The following DLGAP1 variants were observed in gnomAD, a reference collection of about 807,000 sequenced individuals.
The protein encoded by DLGAP1 is DLG associated protein 1, also known as disks large-associated protein 1.
Under a neutral mutation model 90.8 loss-of-function variants are expected in DLGAP1, and 11 were observed. That is an observed-to-expected ratio of 0.12 (90% confidence interval 0.08 to 0.20). The LOEUF is 0.20. DLGAP1 is among the 10% of genes least tolerant of loss of function. The probability of loss-of-function intolerance (pLI) is 1.00; values close to 1 mark genes in which losing one functional copy is unlikely to be tolerated. For missense variants in DLGAP1, 1,050 were observed against 1,333.8 expected, an observed-to-expected ratio of 0.79 and a Z score of 3.31; for synonymous variants, 558 against 540.7, an observed-to-expected ratio of 1.03 and a Z score of -0.44.
intron 7 of DLGAP1, among the ~76,000 whole-genome samples, chr18:3,688,294 CTTGATTCATATGAAAG>C (rs1472237700): frequency 6.6e-6 from 1 of 152,012 alleles, no homozygotes; most frequent in Non-Finnish European, 1.5e-5. Context: ...ATGTGAATTT[CTTGATTCATATGAAAG>C]AATCTGTATG....
chr18:3,715,500 A>G (rs1283110161), intron 7 of DLGAP1, among the ~76,000 whole-genome samples: 4 of 152,160 alleles, frequency 2.6e-5, no homozygotes, highest in Admixed American at 2.6e-4. Context: ...ATCCTCTTTT[A>G]GCGTAGGTTT....
intron 7 of DLGAP1, chr18:3,594,188 T>C (rs1008167399): frequency 6.6e-6 from 1 of 152,358 alleles, no homozygotes; most frequent in African/African-American, 2.4e-5. Flanking sequence ...AGGACTGTGC[T>C]GTGCCTCTCT....
At position 3,879,284 on chromosome 18, in the gene DLGAP1, C is replaced by A; in HGVS notation, c.785G>T (p.Cys262Phe). 6.3e-7 allele frequency: 1 copy of A among 1,596,276 alleles called. No individual in the cohort carries two copies. ...GTCCAGGCTGACCGGCAGGTTGGCG[C>A]AGGTGGAGCACTTGACGTCGTTGTT... ...RSNNDVKCST[C>F]ANLPVSLDTP... is the part of the protein sequence containing the mutation. Residue 262 changes from cysteine to phenylalanine, a missense_variant, in exon 4 of 13, where the codon TGC (cysteine) becomes TTC (phenylalanine). This residue lies in a region of DLGAP1 where 485 missense variants were observed against 454.1 expected (regional missense o/e 1.07). Transcript: ENST00000315677. The surrounding 1 kb of genome is among the most constrained non-coding windows in gnomAD (Gnocchi z 6.6).
intron 1 of DLGAP1, among the ~76,000 whole-genome samples, chr18:4,301,341 A>G (rs1217192675): frequency 6.6e-6 from 1 of 152,110 alleles, no homozygotes; most frequent in African/African-American, 2.4e-5. Context: ...CTACTTCTGT[A>G]AGTTAGATTG....
intron 7 of DLGAP1, among the ~76,000 whole-genome samples, chr18:3,605,705 A>G (rs2057295304): frequency 6.6e-6 from 1 of 152,204 alleles, no homozygotes; most frequent in African/African-American, 2.4e-5. Flanking sequence ...GTAAACAGGA[A>G]GGGCAGAACT....
chr18:3,831,823 T>C (rs998966917), intron 4 of DLGAP1, among the ~76,000 whole-genome samples: 2 of 152,208 alleles, frequency 1.3e-5, no homozygotes, highest in African/African-American at 4.8e-5. Context: ...GATCTCCCTA[T>C]ATCAACATGT....
At chr18:3,974,349 C>A (rs1489377260) in intron 3 of DLGAP1, among the ~76,000 whole-genome samples, 1 of 152,212 alleles carries the variant, frequency 6.6e-6, no homozygotes, top group African/African-American at 2.4e-5. Context: ...CACCGTCCTA[C>A]AGGCAATTCA....
chr18:4,114,957 T>C (rs2076036878), intron 2 of DLGAP1, among the ~76,000 whole-genome samples: 1 of 152,188 alleles, frequency 6.6e-6, no homozygotes, highest in African/African-American at 2.4e-5. Context: ...ATTGTAATAC[T>C]TAGATTTAAT....
At position 3,563,062 on chromosome 18, in the gene DLGAP1, A is replaced by C. The variant is rs1472539208; in HGVS notation, c.2057+4428T>G. On this transcript the variant is annotated intron_variant, in intron 9 of 12. Coordinates refer to ENST00000315677, the MANE Select transcript of DLGAP1 (RefSeq NM_004746.4). ...GGTTGGTCTTGAACTCCTGGGCTGAAGTGATCCACCCACCTCAGCCTCCCA... is the reference window on the plus strand; with the variant it reads ...GGTTGGTCTTGAACTCCTGGGCTGACGTGATCCACCCACCTCAGCCTCCCA... Among the ~76,000 whole-genome samples, 9 of 151,962 alleles carry C rather than the reference A, an allele frequency of 5.9e-5. 1 individual carries two copies. Among genetic ancestry groups the C allele is most frequent in the Admixed American group, 5.3e-4 (8 of 15,236 alleles).
intron 3 of DLGAP1, among the ~76,000 whole-genome samples, chr18:3,912,690 A>T (rs1460221730): frequency 6.6e-6 from 1 of 152,188 alleles, no homozygotes; most frequent in African/African-American, 2.4e-5. Flanking sequence ...ATGGAAACAT[A>T]TGGAACTGTG....
chr18:4,107,740 T>C (rs2075895461), intron 2 of DLGAP1, among the ~76,000 whole-genome samples: 1 of 152,204 alleles, frequency 6.6e-6, no homozygotes. Flanking sequence ...AATAGTAATA[T>C]TGAAACTCGC....
chr18:4,083,974 G>A (rs374762114), intron 2 of DLGAP1, among the ~76,000 whole-genome samples: 1 of 152,084 alleles, frequency 6.6e-6, no homozygotes, highest in Non-Finnish European at 1.5e-5. Flanking sequence ...TGGAAAAATC[G>A]GATCACACGG....
intron 1 of DLGAP1, among the ~76,000 whole-genome samples, chr18:4,219,669 T>C (rs2078035935): frequency 6.6e-6 from 1 of 152,080 alleles, no homozygotes; most frequent in African/African-American, 2.4e-5. Context: ...TGGTATTAAC[T>C]AAGCATCTAA....
chr18:4,177,912 A>C (rs1598554242), intron 1 of DLGAP1, among the ~76,000 whole-genome samples: 2 of 152,258 alleles, frequency 1.3e-5, no homozygotes, highest in South Asian at 2.1e-4. Flanking sequence ...TATTGTGAAT[A>C]GTGCTGCAAT....
chr18:3,790,058 A>G (rs974255894), intron 5 of DLGAP1, among the ~76,000 whole-genome samples: 1 of 152,108 alleles, frequency 6.6e-6, no homozygotes, highest in African/African-American at 2.4e-5. Context: ...GCTGACTTTT[A>G]GTTTGAGGAG....
chr18:3,651,195 C>T (rs766852797), intron 7 of DLGAP1, among the ~76,000 whole-genome samples: 49 of 151,704 alleles, frequency 3.2e-4, no homozygotes, highest in Non-Finnish European at 5.7e-4. Flanking sequence ...CCCCTCTCTA[C>T]TAAAAATACA....
chr18:3,848,156 A>AAAAAAAAAC, intron 4 of DLGAP1, among the ~76,000 whole-genome samples: 3 of 128,566 alleles, frequency 2.3e-5, no homozygotes, highest in Non-Finnish European at 3.4e-5. Context: ...AAAAAAAAAA[A>AAAAAAAAAC]AAGCCAAGGA....
rs1050233568 is a variant in DLGAP1 at position 4,342,095 on chromosome 18, C to T, written c.-267+112911G>A. 2.0e-5 allele frequency among the ~76,000 whole-genome samples: 3 copies of T among 152,048 alleles called. 1 individual carries two copies. The highest frequency in any genetic ancestry group is 4.1e-4 in the South Asian group (2 of 4,826). On this transcript the variant is annotated intron_variant, in intron 1 of 12. Coordinates refer to ENST00000315677, the MANE Select transcript of DLGAP1 (RefSeq NM_004746.4). This position sits in a 1 kb window ranked among gnomAD's most constrained non-coding sequence, Gnocchi z 5.8. ...ATGCGGTGAACACTAAATAAATGTT[C>T]CTTCCCTTCCCAAATCCATAGAATT...
chr18:4,240,777 T>C (rs910170687), intron 1 of DLGAP1, among the ~76,000 whole-genome samples: 2 of 152,210 alleles, frequency 1.3e-5, no homozygotes, highest in Non-Finnish European at 2.9e-5. Context: ...TTGTTACAAA[T>C]TGGCAAAAGT....
Sources: gnomAD v4.1 joint callset for allele counts (sites outside exome capture counted in the v4.1 genomes callset) on GRCh38, gnomAD v4.1.1 for gene constraint, gnomAD v4.1.1 regional missense constraint, Gnocchi (gnomAD v3.1) non-coding constraint, MANE v1.5 for transcripts, NCBI Gene and HGNC (gene_info 2026-07-23, HGNC 2026-07-21) for gene names.